CPSF1: variants seen among roughly 807,000 people sequenced by gnomAD.
CPSF1 encodes cleavage and polyadenylation specific factor 1.
Under a neutral mutation model 175.8 loss-of-function variants are expected in CPSF1, and 106 were observed. That is an observed-to-expected ratio of 0.60 (90% CI 0.52 to 0.71). The LOEUF is 0.71. Among genes scored for constraint, CPSF1 ranks in the 30% least tolerant of loss-of-function variants. The pLI, the probability that CPSF1 is intolerant of heterozygous loss-of-function variation, is 0.00. For missense variants in CPSF1, 1,734 were observed against 2,022.9 expected (o/e 0.86, Z 2.74); for synonymous variants, 1,024 against 858.3 (o/e 1.19, Z -3.37).
At chr8:144,401,752 C>A in intron 2 of CPSF1, 79 bp from the exon 3 acceptor site, 1 of 1,446,676 alleles carries the variant, frequency 6.9e-7, no homozygotes, top group South Asian at 1.3e-5. Context: ...AAAAGACCAC[C>A]AAGCCTGGCC....
At chr8:144,404,853 G>A (rs2116900184) in intron 2 of CPSF1, among the ~76,000 whole-genome samples, 4 of 151,600 alleles carry the variant, frequency 2.6e-5, no homozygotes, top group African/African-American at 9.7e-5. Context: ...TCAGGCGATC[G>A]AGACCATCCT....
chr8:144,408,541 A>C (rs2116911124), intron 2 of CPSF1, among the ~76,000 whole-genome samples: 10 of 152,174 alleles, frequency 6.6e-5, no homozygotes, highest in African/African-American at 2.4e-4. Context: ...TTCCCCCGAC[A>C]AACTCCCGCT....
chr8:144,398,534 G>C lies in CPSF1; in HGVS notation c.1743C>G (p.Asp581Glu), dbSNP rs2116851959. The change falls in exon 18 of 38, where the codon GAC becomes GAG. Residue 581 changes from aspartate to glutamate, a missense_variant. Physicochemically the swap from Asp to Glu is conservative, Grantham distance 45 (BLOSUM62 2). Coordinates refer to ENST00000616140, the MANE Select transcript of CPSF1 (RefSeq NM_013291.3). ...RHGFLILSRE[D>E]STMILQTGQE... ...AGGCCCTGCCCCTCACCATGGTGGA[G>C]TCTTCCCGGCTCAGAATCAGGAATC... The C allele has an allele frequency of 6.2e-7, 1 of 1,613,768 alleles. No individual in the cohort carries two copies. Among genetic ancestry groups the C allele is most frequent in the Admixed American group, 1.7e-5 (1 of 60,014 alleles).
rs2116866940 is a variant in CPSF1, at chr8:144,399,847, G to A, written c.1053C>T (p.Thr351=). The stretch of plus-strand genomic sequence containing the variant: ...ACGCTCGGACACTGCGCATGCCGTC[G>A]GTGATGAGGGTCAGCACGTAGCTGG... ...GGEIYVLTLI[T]DGMRSVRAFH... Residue 351 remains threonine (T), a synonymous_variant, in exon 11 of 38, where the codon ACC becomes ACT. Coordinates refer to ENST00000616140, the MANE Select transcript of CPSF1 (RefSeq NM_013291.3). The surrounding 1 kb of genome is among the most constrained non-coding windows in gnomAD (Gnocchi z 6.4). 2.4e-5 allele frequency: 37 copies of A among 1,554,348 alleles called. No homozygotes were observed. Among genetic ancestry groups the A allele is most frequent in the East Asian group, 1.2e-4 (5 of 41,136 alleles).
chr8:144,396,720 G>C lies in CPSF1; in HGVS notation c.2704C>G (p.Arg902Gly), dbSNP rs782629802. 2.5e-6 allele frequency: 4 copies of C among 1,613,818 alleles called. No homozygotes were observed. The highest frequency in any genetic ancestry group is 3.4e-6 in the Non-Finnish European group (4 of 1,180,020). Residue 902 changes from arginine (R) to glycine (G), a missense_variant, in exon 25 of 38, where the codon CGT becomes GGT. Transcript: ENST00000616140. ...FKKVPHNINF[R>G]EKKPKPSKKK... ...TTGGATGGCTTTGGCTTCTTCTCAC[G>C]GAAGTTGATGTTGTGAGGGACCTGG...
chr8:144,401,187 G>T (rs1414541650), intron 5 of CPSF1, 24 bp downstream of exon 5: 9 of 1,548,058 alleles, frequency 5.8e-6, no homozygotes, highest in Non-Finnish European at 7.9e-6. Flanking sequence ...CGGGGCCTGG[G>T]CGGGGGCGGG....
At chr8:144,398,689 G>A in intron 17 of CPSF1, 51 bp from the exon 18 acceptor site, 1 of 1,606,462 alleles carries the variant, frequency 6.2e-7, no homozygotes. Flanking sequence ...AGTGAAGGCA[G>A]GCACGCAGGT....
At chr8:144,409,199 G>A (rs2116913721) in intron 1 of CPSF1, 27 bp from the exon 2 acceptor site, 1 of 1,522,460 alleles carries the variant, frequency 6.6e-7, no homozygotes, top group Non-Finnish European at 8.8e-7. Flanking sequence ...GAGGAAGGGT[G>A]AGCGGGGTCG....
chr8:144,399,691 C>A lies in CPSF1; in HGVS notation c.1139G>T (p.Gly380Val). The change falls in exon 12 of 38, where the codon GGG (glycine) becomes GTG (valine). Residue 380 changes from glycine (G) to valine (V), a missense_variant. Physicochemically the swap from Gly to Val is moderately radical, Grantham distance 109. Transcript: ENST00000616140. This position sits in a 1 kb window ranked among gnomAD's most constrained non-coding sequence, Gnocchi z 6.4. ...CAGGCGAGAACCCAGGAACAGGTAC[C>A]CGGGCTCCATGGTGACCATCTGAGG... The part of the protein sequence containing the change: ...LTTSMVTMEP[G>V]YLFLGSRLGN... 6.2e-7 allele frequency: 1 copy of A among 1,610,026 alleles called. No homozygotes were observed. Among genetic ancestry groups the A allele is most frequent in the Non-Finnish European group, 8.5e-7 (1 of 1,178,296 alleles).
chr8:144,397,553 G>C lies in CPSF1; in HGVS notation c.2319C>G (p.Asp773Glu). ...TAGGCTCTGCCCGGAAGGGTGCAGG[G>C]TCCCGGTCAGCAGGGGGCTGGCTGC... ...RRSSQPPADR[D>E]PAPFRAEPTH... Residue 773 changes from aspartate (D) to glutamate (E), a missense_variant, in exon 22 of 38, where the codon GAC becomes GAG. Transcript: ENST00000616140. 6.4e-7 allele frequency: 1 copy of C among 1,557,092 alleles called. No homozygotes were observed. The highest frequency in any genetic ancestry group is 1.2e-5 in the South Asian group (1 of 82,426).
chr8:144,401,139 C>T lies in CPSF1; in HGVS notation c.388-64G>A, dbSNP rs2116881701. 2.8e-3 allele frequency: 4,441 copies of T among 1,568,508 alleles called. 36 individuals are homozygous for T. The highest frequency in any genetic ancestry group is 9.7e-3 in the African/African-American group (716 of 73,914). ...AGACCCCGAGGGAAACACTTGGGGC[C>T]ACAGAACCCAGCTGCAGGGGGAGGG... On this transcript the variant is annotated intron_variant, in intron 5 of 37. Coordinates refer to ENST00000616140, the MANE Select transcript of CPSF1 (RefSeq NM_013291.3).
At position 144,399,541 on chromosome 8, in the gene CPSF1, C is replaced by G; in HGVS notation, c.1243-38G>C. On this transcript the variant is annotated intron_variant, in intron 12 of 37. Transcript: ENST00000616140. The surrounding 1 kb of genome is among the most constrained non-coding windows in gnomAD (Gnocchi z 6.4). The stretch of plus-strand genomic sequence containing the variant: ...AGGGGCACTGAGTGGCATGCCACAG[C>G]AGTGCCCACATGAAGGGTGGTGGCC... 6.2e-7 allele frequency: 1 copy of G among 1,611,764 alleles called. No homozygotes were observed. The highest frequency in any genetic ancestry group is 1.3e-5 in the African/African-American group (1 of 75,030).
chr8:144,398,746 C>A, intron 17 of CPSF1, 33 bp downstream of exon 17: 1 of 1,589,966 alleles, frequency 6.3e-7, no homozygotes, highest in Non-Finnish European at 8.6e-7. Flanking sequence ...CCGGTCCCAT[C>A]CCAGGGCCTC....
At position 144,393,298 on chromosome 8, in the gene CPSF1, T is replaced by G. The variant is rs782568276; in HGVS notation, c.*20A>C. 2 of 1,487,136 alleles carry G rather than the reference T, an allele frequency of 1.3e-6. No homozygotes were observed. The highest frequency in any genetic ancestry group is 2.2e-5 in the Admixed American group (1 of 46,294). The allele number at this position is 1,487,136 out of a possible 1,614,324, so 92.1% of individuals were successfully genotyped here. On this transcript the variant is annotated 3_prime_UTR_variant, in exon 38 of 38. Coordinates refer to ENST00000616140, the MANE Select transcript of CPSF1 (RefSeq NM_013291.3). ...GGTGGGAGGTAGTTCCGTGTGCTGG[T>G]GGTGACGGCATCCACGGGGCTAGAA...
At chr8:144,396,960 G>C (rs782105341) in intron 23 of CPSF1, 31 bp from the exon 24 acceptor site, 11 of 1,530,498 alleles carry the variant, frequency 7.2e-6, no homozygotes, top group African/African-American at 1.4e-5. Flanking sequence ...ATGGGGGAAC[G>C]GGCAGGGCCA....
rs2116878018 is a variant in CPSF1 at position 144,400,777 on chromosome 8, G to A, written c.580C>T (p.Arg194Trp). ...TTGAGCAGCTTCTCGTCTAGGGCCC[G>A]CACGTCGATGATGTAGCTGGGCAGG... ...SFLPSYIIDV[R>W]ALDEKLLNII... The change falls in exon 7 of 38, where the codon CGG (arginine) becomes TGG (tryptophan). Residue 194 changes from arginine (R) to tryptophan (W), a missense_variant. Physicochemically the swap from Arg to Trp is moderately radical, Grantham distance 101 (BLOSUM62 -3). Transcript: ENST00000616140. 3.1e-6 allele frequency: 5 copies of A among 1,613,664 alleles called. No individual in the cohort carries two copies. Among genetic ancestry groups the A allele is most frequent in the Non-Finnish European group, 4.2e-6 (5 of 1,179,938 alleles).
intron 2 of CPSF1, among the ~76,000 whole-genome samples, chr8:144,406,033 A>G (rs1554869002): frequency 1.3e-5 from 2 of 152,172 alleles, no homozygotes; most frequent in Non-Finnish European, 2.9e-5. Context: ...CGATTATGAT[A>G]AAAGACCTCG....
Position 144,395,011 on chromosome 8 carries a change from C to A in CPSF1, c.3285G>T (p.Gln1095His). 2 of 1,610,196 alleles carry A rather than the reference C, an allele frequency of 1.2e-6. No individual in the cohort carries two copies. Among genetic ancestry groups the A allele is most frequent in the Non-Finnish European group, 8.5e-7 (1 of 1,177,898 alleles). The change falls in exon 30 of 38, where the codon CAG (glutamine) becomes CAT (histidine). Residue 1095 changes from glutamine to histidine, a missense_variant. Around this residue, in one of 10 missense-constraint regions of CPSF1, gnomAD observed 585 missense variants for 584.7 expected, o/e 1.00. Coordinates refer to ENST00000616140, the MANE Select transcript of CPSF1 (RefSeq NM_013291.3). ...EAIPNARIEL[Q>H]EWEHVTCMKT... Reference sequence around the variant, plus strand: ...TCATGCAGGTCACATGCTCCCACTCCTGCAGCTCGATCCTGTGGGGGCCAG... The same window carrying A: ...TCATGCAGGTCACATGCTCCCACTCATGCAGCTCGATCCTGTGGGGGCCAG...
At chr8:144,397,082 G>T in intron 23 of CPSF1, 125 bp downstream of exon 23, 1 of 991,896 alleles carries the variant, frequency 1.0e-6, no homozygotes, top group East Asian at 2.7e-5. Context: ...AGATGGGGTG[G>T]AGCCACGGGA....
Sources: gnomAD v4.1 joint callset for allele counts (sites outside exome capture counted in the v4.1 genomes callset) on GRCh38, gnomAD v4.1.1 for gene constraint, gnomAD v4.1.1 regional missense constraint, Gnocchi (gnomAD v3.1) non-coding constraint, MANE v1.5 for transcripts, NCBI Gene and HGNC (gene_info 2026-07-23, HGNC 2026-07-21) for gene names.